Variants in IL1RAPL2 observed in about 807,000 individuals in gnomAD.
IL1RAPL2 encodes X-linked interleukin-1 receptor accessory protein-like 2.
IL1RAPL2 carries 3 observed loss-of-function variants against 44.1 expected under a neutral mutation model. The observed-to-expected ratio is 0.07, with a 90% CI of 0.03 to 0.18. IL1RAPL2 has a LOEUF of 0.18. IL1RAPL2 is among the 10% of genes least tolerant of loss of function. The pLI, the probability that IL1RAPL2 is intolerant of heterozygous loss-of-function variation, is 1.00. For synonymous variants in IL1RAPL2, 181 were observed against 178.8 expected, an observed-to-expected ratio of 1.01 and a Z score of -0.10; for missense variants, 391 against 496.4, an observed-to-expected ratio of 0.79 and a Z score of 2.02.
intron 2 of IL1RAPL2, among the ~76,000 whole-genome samples, chrX:104,817,515 C>T (rs948306600): frequency 1.8e-5 from 2 of 111,260 alleles, no homozygotes; most frequent in Non-Finnish European, 3.8e-5. Context: ...TTCTCTGAGC[C>T]CCAACACTGC....
chrX:105,283,523 T>G (rs182900599), intron 5 of IL1RAPL2, among the ~76,000 whole-genome samples: 1 of 110,720 alleles, frequency 9.0e-6, no homozygotes, highest in East Asian at 2.9e-4. Context: ...TAAGAGATAT[T>G]ATAGAGATAG....
At chrX:104,938,844 G>T (rs1446373700) in intron 2 of IL1RAPL2, among the ~76,000 whole-genome samples, 2 of 111,430 alleles carry the variant, frequency 1.8e-5, no homozygotes, top group East Asian at 5.6e-4. Flanking sequence ...GGAAAGTGGT[G>T]TCATGGGAAA....
At chrX:105,182,651 G>C (rs914598498) in intron 2 of IL1RAPL2, among the ~76,000 whole-genome samples, 2 of 111,810 alleles carry the variant, frequency 1.8e-5, no homozygotes, top group Non-Finnish European at 3.8e-5. Context: ...TGATAAGTGA[G>C]TATTCCTGTC....
At chrX:104,732,804 C>G (rs761549902) in intron 2 of IL1RAPL2, among the ~76,000 whole-genome samples, 3 of 111,541 alleles carry the variant, frequency 2.7e-5, no homozygotes, top group Non-Finnish European at 3.8e-5. Context: ...TTTACCCAAA[C>G]AAGATAGATA....
intron 2 of IL1RAPL2, among the ~76,000 whole-genome samples, chrX:104,945,643 T>G (rs1925324363): frequency 8.9e-6 from 1 of 112,108 alleles, no homozygotes; most frequent in African/African-American, 3.2e-5. Context: ...ACTTAATGTA[T>G]GCCTTCTTTT....
chrX:104,608,010 A>G (rs1429741658), intron 1 of IL1RAPL2, among the ~76,000 whole-genome samples: 1 of 112,006 alleles, frequency 8.9e-6, no homozygotes, highest in Non-Finnish European at 1.9e-5. Context: ...CTGGATAAAG[A>G]AAATGTGGCA....
At chrX:104,836,020 A>G (rs1250808203) in intron 2 of IL1RAPL2, among the ~76,000 whole-genome samples, 1 of 111,884 alleles carries the variant, frequency 8.9e-6, no homozygotes, top group Non-Finnish European at 1.9e-5. Context: ...GATAGTGTTT[A>G]TTATCCACAT....
At chrX:104,903,302 ATAT>A (rs772689039) in intron 2 of IL1RAPL2, among the ~76,000 whole-genome samples, 61 of 112,212 alleles carry the variant, frequency 5.4e-4, no homozygotes, top group African/African-American at 1.6e-3. Context: ...TGTTGGTCAG[ATAT>A]TATTCTCTCT....
At chrX:104,677,613 G>C (rs1187601007) in intron 2 of IL1RAPL2, among the ~76,000 whole-genome samples, 1 of 112,696 alleles carries the variant, frequency 8.9e-6, no homozygotes, top group Non-Finnish European at 1.9e-5. Flanking sequence ...CTTGTGCTGT[G>C]GTGGGCTCTG....
At chrX:104,673,122 T>C (rs1930652004) in intron 2 of IL1RAPL2, among the ~76,000 whole-genome samples, 1 of 111,905 alleles carries the variant, frequency 8.9e-6, no homozygotes, top group African/African-American at 3.3e-5. Flanking sequence ...TTTGTCAATT[T>C]TGGCTTTTGT....
In IL1RAPL2 at chrX:105,447,342, T is replaced by A. The variant is rs1373090068; in HGVS notation, c.698-36971T>A. 2.7e-4 allele frequency among the ~76,000 whole-genome samples: 16 copies of A among 59,317 alleles called. 1 individual carries two copies. In the South Asian group the frequency reaches 6.4e-3, roughly 24 times the overall value. The allele number at this position is 59,317 out of a possible 115,157, so 51.5% of individuals were successfully genotyped here. On this transcript the variant is annotated intron_variant, in intron 5 of 10. Transcript: ENST00000372582. Reference sequence around the variant, plus strand: ...ATATAAATATATATAAAAATATAAATATATAAATATATAAATATATAAATA... The same window carrying A: ...ATATAAATATATATAAAAATATAAAAATATAAATATATAAATATATAAATA...
chrX:105,565,807 C>T (rs2036970429), intron 6 of IL1RAPL2, among the ~76,000 whole-genome samples: 1 of 112,045 alleles, frequency 8.9e-6, no homozygotes, highest in Non-Finnish European at 1.9e-5. Flanking sequence ...GCCAGATTCT[C>T]TTTCCAAGAC....
intron 5 of IL1RAPL2, among the ~76,000 whole-genome samples, chrX:105,327,080 G>A (rs766209625): frequency 8.9e-6 from 1 of 112,064 alleles, no homozygotes; most frequent in East Asian, 2.8e-4. Context: ...AGGTTTAACA[G>A]GAGAGTTTGG....
chrX:105,734,507 T>G (rs1389140071), intron 7 of IL1RAPL2, among the ~76,000 whole-genome samples: 1 of 111,806 alleles, frequency 8.9e-6, no homozygotes, highest in Non-Finnish European at 1.9e-5. Flanking sequence ...CAAGTGATTC[T>G]CCCACCTCAG....
At chrX:105,744,486 T>C (rs983435996) in intron 8 of IL1RAPL2, among the ~76,000 whole-genome samples, 3 of 111,506 alleles carry the variant, frequency 2.7e-5, no homozygotes, top group Non-Finnish European at 5.7e-5. Context: ...CCTGGCCTCA[T>C]TGGCAGTAGT....
chrX:105,121,615 CT>C lies in IL1RAPL2; in HGVS notation c.83-73851del, dbSNP rs375923492. 9.9e-5 allele frequency among the ~76,000 whole-genome samples: 11 copies of C among 110,875 alleles called. No individual in the cohort carries two copies. The East Asian group carries it at 1.4e-3, about 14-fold the overall frequency. The stretch of plus-strand genomic sequence containing the variant: ...ACCAATATTTTATTTTCTGAATAAA[CT>C]TTTTTTTTATTTTTCAGAAGCAATT... On this transcript the variant is annotated intron_variant, in intron 2 of 10. Coordinates refer to ENST00000372582, the MANE Select transcript of IL1RAPL2 (RefSeq NM_017416.2).
chrX:105,599,718 C>A (rs770048588), intron 6 of IL1RAPL2, among the ~76,000 whole-genome samples: 3 of 111,338 alleles, frequency 2.7e-5, no homozygotes, highest in African/African-American at 9.8e-5. Flanking sequence ...CTTGGCTTCC[C>A]TTGGCCCTCT....
chrX:105,663,958 CAGCTTTT>C (rs2037738917), intron 6 of IL1RAPL2, among the ~76,000 whole-genome samples: 1 of 112,077 alleles, frequency 8.9e-6, no homozygotes. Flanking sequence ...ATTGAAAATG[CAGCTTTT>C]AGGTAAGTGC....
intron 6 of IL1RAPL2, among the ~76,000 whole-genome samples, chrX:105,523,780 A>G (rs1947911361): frequency 9.2e-6 from 1 of 108,962 alleles, no homozygotes; most frequent in African/African-American, 3.4e-5. Context: ...GGAGTTTTCA[A>G]TGAAGCCATA....
Sources: gnomAD v4.1 joint callset for allele counts (sites outside exome capture counted in the v4.1 genomes callset) on GRCh38, gnomAD v4.1.1 for gene constraint, MANE v1.5 for transcripts, NCBI Gene and HGNC (gene_info 2026-07-23, HGNC 2026-07-21) for gene names.